RPS6KC1: variants seen among roughly 807,000 people sequenced by gnomAD.
RPS6KC1 encodes ribosomal protein S6 kinase C1.
In RPS6KC1, 54 loss-of-function variants were observed where a neutral mutation model predicts 103.8. The observed-to-expected ratio is 0.52, with a 90% CI of 0.42 to 0.65. The LOEUF (loss-of-function observed/expected upper bound fraction) is 0.65, where lower values mean the gene tolerates loss of function less well. Among genes scored for constraint, RPS6KC1 ranks in the 30% least tolerant of loss-of-function variants. The pLI is 0.00. For missense variants in RPS6KC1, 1,151 were observed against 1,253.8 expected, an observed-to-expected ratio of 0.92 and a Z score of 1.24; for synonymous variants, 439 against 438.7, an observed-to-expected ratio of 1.00 and a Z score of -0.01.
chr1:213,088,358 C>T (rs1001825897), intron 3 of RPS6KC1, among the ~76,000 whole-genome samples: 4 of 152,044 alleles, frequency 2.6e-5, no homozygotes, highest in African/African-American at 7.2e-5. Context: ...ACTCCACTCT[C>T]ATGGCTAATA....
At chr1:213,108,465 A>G (rs933607653) in intron 4 of RPS6KC1, among the ~76,000 whole-genome samples, 3 of 152,108 alleles carry the variant, frequency 2.0e-5, no homozygotes, top group Non-Finnish European at 4.4e-5. Flanking sequence ...TCCTAGAACC[A>G]TACTGTCTTG....
chr1:213,068,500 A>G (rs1376616059), intron 1 of RPS6KC1, among the ~76,000 whole-genome samples: 1 of 150,724 alleles, frequency 6.6e-6, no homozygotes, highest in Non-Finnish European at 1.5e-5. Flanking sequence ...AAAAAAAAAA[A>G]AAAAAAAAAG....
intron 1 of RPS6KC1, among the ~76,000 whole-genome samples, chr1:213,058,641 T>C (rs2148324904): frequency 6.6e-6 from 1 of 152,328 alleles, no homozygotes; most frequent in East Asian, 1.9e-4. Context: ...TTCCATACCA[T>C]ACAATCTTGA....
At chr1:213,657,739 G>A in the RPS6KC1 span, among the ~76,000 whole-genome samples, 6 of 152,258 alleles carry the variant, frequency 3.9e-5, no homozygotes, top group East Asian at 1.2e-3. Flanking sequence ...CATGATAAGT[G>A]GTTGGTGCTA....
the RPS6KC1 span, among the ~76,000 whole-genome samples, chr1:213,384,450 A>G: frequency 0.87 from 132,240 of 151,930 alleles, 57,613 homozygotes; most frequent in East Asian, 0.99. Context: ...GATGGGGAAG[A>G]GCCAAGATGT....
At chr1:213,151,247 G>A (rs1292955413) in intron 6 of RPS6KC1, among the ~76,000 whole-genome samples, 12 of 130,198 alleles carry the variant, frequency 9.2e-5, no homozygotes, top group East Asian at 5.0e-4. Flanking sequence ...TCCCGGACGG[G>A]GCGGCTGGCC....
At chr1:213,781,390 G>A in the RPS6KC1 span, among the ~76,000 whole-genome samples, 5 of 152,162 alleles carry the variant, frequency 3.3e-5, no homozygotes, top group African/African-American at 4.8e-5. Flanking sequence ...AATTAACAGA[G>A]CAAAGCCCTA....
the RPS6KC1 span, among the ~76,000 whole-genome samples, chr1:213,325,355 G>A: frequency 6.6e-6 from 1 of 152,190 alleles, no homozygotes; most frequent in South Asian, 2.1e-4. Flanking sequence ...CTGGGTGGAG[G>A]GTGATAAGGA....
the RPS6KC1 span, among the ~76,000 whole-genome samples, chr1:213,465,347 T>G: frequency 6.6e-6 from 1 of 152,206 alleles, no homozygotes; most frequent in Non-Finnish European, 1.5e-5. Context: ...TAGTGAACAT[T>G]TTTTCTGCAT....
the RPS6KC1 span, among the ~76,000 whole-genome samples, chr1:213,432,805 T>A: frequency 6.6e-6 from 1 of 152,212 alleles, no homozygotes; most frequent in African/African-American, 2.4e-5. Context: ...ACTTATGTTG[T>A]TCAGTATATT....
At chr1:213,794,442 G>A in the RPS6KC1 span, 1 of 152,154 alleles carries the variant, frequency 6.6e-6, no homozygotes, top group East Asian at 1.9e-4. Context: ...GACGGTTTTG[G>A]GATTTTGTCA....
the RPS6KC1 span, among the ~76,000 whole-genome samples, chr1:213,631,129 A>T: frequency 6.6e-6 from 1 of 152,104 alleles, no homozygotes; most frequent in African/African-American, 2.4e-5. Context: ...TTTGACTAGG[A>T]AAGGGAATTC....
chr1:213,585,290 C>T, the RPS6KC1 span, among the ~76,000 whole-genome samples: 1 of 152,188 alleles, frequency 6.6e-6, no homozygotes. Flanking sequence ...GAATCCTCAT[C>T]ACACAGACTT....
the RPS6KC1 span, among the ~76,000 whole-genome samples, chr1:213,472,187 C>T: frequency 6.6e-6 from 1 of 152,130 alleles, no homozygotes; most frequent in Non-Finnish European, 1.5e-5. Flanking sequence ...TGCTTTTCCA[C>T]AAAACTTACT....
At chr1:213,083,611 T>C (rs1258093966) in intron 3 of RPS6KC1, among the ~76,000 whole-genome samples, 1 of 152,066 alleles carries the variant, frequency 6.6e-6, no homozygotes, top group Non-Finnish European at 1.5e-5. Context: ...ATTCTAGACT[T>C]TGAATTGCTG....
intron 5 of RPS6KC1, among the ~76,000 whole-genome samples, chr1:213,127,937 A>C (rs1430091885): frequency 6.6e-6 from 1 of 152,226 alleles, no homozygotes; most frequent in Non-Finnish European, 1.5e-5. Context: ...TTCAGTGTGC[A>C]AGACAGACCA....
the RPS6KC1 span, among the ~76,000 whole-genome samples, chr1:213,363,775 TTTCTTTC>T: frequency 1.2e-5 from 1 of 82,068 alleles, no homozygotes; most frequent in Non-Finnish European, 2.4e-5. Context: ...TCTTTCTTTC[TTTCTTTC>T]TTTCTTTCTT....
chr1:213,583,424 G>A, the RPS6KC1 span, among the ~76,000 whole-genome samples: 58 of 152,296 alleles, frequency 3.8e-4, no homozygotes, highest in African/African-American at 1.3e-3. Flanking sequence ...TCTACAGATT[G>A]GGAGTCTGCT....
At chr1:213,819,854 A>T in the RPS6KC1 span, 48 of 152,318 alleles carry the variant, frequency 3.2e-4, no homozygotes, top group African/African-American at 1.1e-3. Context: ...GAAAATTGGG[A>T]TGTAAAAGAA....
Sources: gnomAD v4.1 joint callset for allele counts (sites outside exome capture counted in the v4.1 genomes callset) on GRCh38, gnomAD v4.1.1 for gene constraint, MANE v1.5 for transcripts, NCBI Gene and HGNC (gene_info 2026-07-23, HGNC 2026-07-21) for gene names.